The following HECW1 variants were observed in gnomAD, a reference collection of about 807,000 sequenced individuals.
HECW1 encodes E3 ubiquitin-protein ligase HECW1.
Under a neutral mutation model 182.3 loss-of-function variants are expected in HECW1, and 61 were observed. The observed-to-expected ratio is 0.33, with a 90% confidence interval of 0.27 to 0.41. HECW1 has a LOEUF of 0.41. Ranked by LOEUF, HECW1 falls within the 10% of genes least tolerant of loss-of-function variation. The pLI is 1.00. For synonymous variants in HECW1, 859 were observed against 832.6 expected (o/e 1.03, Z -0.55); for missense variants, 1,739 against 2,108.9 (o/e 0.82, Z 3.44).
At chr7:43,190,743 C>A (rs1248198910) in intron 2 of HECW1, among the ~76,000 whole-genome samples, 1 of 152,216 alleles carries the variant, frequency 6.6e-6, no homozygotes, top group Non-Finnish European at 1.5e-5. Flanking sequence ...ACCCTCTTCC[C>A]AGAATGCTCT....
chr7:43,357,921 C>T (rs1244800726), intron 5 of HECW1, among the ~76,000 whole-genome samples: 2 of 152,032 alleles, frequency 1.3e-5, no homozygotes, highest in Admixed American at 1.3e-4. Context: ...ATGGAAGAAA[C>T]AAAGAAGAGT....
At chr7:43,303,704 G>A (rs746813197) in intron 3 of HECW1, among the ~76,000 whole-genome samples, 1 of 152,130 alleles carries the variant, frequency 6.6e-6, no homozygotes, top group Non-Finnish European at 1.5e-5. Flanking sequence ...TTAGCACATG[G>A]CTTTGAGGCT....
At chr7:43,301,260 G>A (rs1806739203) in intron 3 of HECW1, among the ~76,000 whole-genome samples, 2 of 152,182 alleles carry the variant, frequency 1.3e-5, no homozygotes, top group South Asian at 2.1e-4. Flanking sequence ...GTAAAGATAC[G>A]CTTTTCCACG....
At chr7:43,156,756 A>C (rs1789924083) in intron 2 of HECW1, among the ~76,000 whole-genome samples, 2 of 150,240 alleles carry the variant, frequency 1.3e-5, no homozygotes, top group South Asian at 4.1e-4. Flanking sequence ...TGTGATCTGC[A>C]CTGGCCAGTG....
intron 26 of HECW1, among the ~76,000 whole-genome samples, chr7:43,547,549 GAA>G (rs35408234): frequency 2.9e-5 from 4 of 138,432 alleles, no homozygotes; most frequent in Non-Finnish European, 4.7e-5. Flanking sequence ...CTGGCTCAAA[GAA>G]AAAAAAAAAA....
chr7:43,401,429 G>C (rs951951477), intron 7 of HECW1, among the ~76,000 whole-genome samples: 3 of 152,134 alleles, frequency 2.0e-5, no homozygotes, highest in African/African-American at 7.2e-5. Context: ...AGAACAAACT[G>C]AACAGAAACA....
At chr7:43,173,981 G>A (rs1032347793) in intron 2 of HECW1, among the ~76,000 whole-genome samples, 9 of 152,010 alleles carry the variant, frequency 5.9e-5, no homozygotes, top group African/African-American at 2.2e-4. Context: ...GGGACTACAG[G>A]CATGCACCAT....
At position 43,202,576 on chromosome 7, in the gene HECW1, C is replaced by T. The variant is rs151284614; in HGVS notation, c.-31-41299C>T. Among the ~76,000 whole-genome samples, 1,050 of 151,340 alleles carry T rather than the reference C, an allele frequency of 6.9e-3. 8 individuals are homozygous for T. Among genetic ancestry groups the T allele is most frequent in the Middle Eastern group, 0.017 (5 of 292 alleles). ...GAAACCACTGCCTCCCGGGTTCAAG[C>T]GATTATCGTGCCTCAGCCTCCTGAG... On this transcript the variant is annotated intron_variant, in intron 2 of 29. Transcript: ENST00000395891.
intron 3 of HECW1, chr7:43,274,596 G>A (rs1016835270): frequency 2.3e-6 from 1 of 436,040 alleles, no homozygotes; most frequent in Non-Finnish European, 4.4e-6. Context: ...CAGGTTCCTC[G>A]CCCCGGGTGT....
chr7:43,535,273 A>G (rs2081135239), intron 24 of HECW1, among the ~76,000 whole-genome samples: 1 of 152,194 alleles, frequency 6.6e-6, no homozygotes, highest in Non-Finnish European at 1.5e-5. Flanking sequence ...TGTGAAACTC[A>G]ATTACCTTTT....
chr7:43,452,126 T>A (rs2077255662), intron 12 of HECW1, among the ~76,000 whole-genome samples: 1 of 152,254 alleles, frequency 6.6e-6, no homozygotes, highest in Non-Finnish European at 1.5e-5. Flanking sequence ...TGATGCCTGA[T>A]TTCTTTCTTT....
intron 5 of HECW1, among the ~76,000 whole-genome samples, chr7:43,336,144 T>C (rs28718169): frequency 0.076 from 3,907 of 51,182 alleles, 168 homozygotes; most frequent in African/African-American, 0.093. Flanking sequence ...CTCTCTCTCT[T>C]TCTCTCTCTC....
intron 17 of HECW1, among the ~76,000 whole-genome samples, chr7:43,480,108 C>T (rs1335840090): frequency 1.3e-5 from 2 of 152,180 alleles, no homozygotes; most frequent in Non-Finnish European, 2.9e-5. Flanking sequence ...GTCTGACTAA[C>T]TTTAAACTTC....
At chr7:43,159,224 T>C (rs1361771388) in intron 2 of HECW1, among the ~76,000 whole-genome samples, 2 of 151,982 alleles carry the variant, frequency 1.3e-5, no homozygotes, top group African/African-American at 4.8e-5. Flanking sequence ...AGGGTACATG[T>C]GCACAATGTG....
chr7:43,319,464 G>A (rs547088731), intron 4 of HECW1, among the ~76,000 whole-genome samples: 66 of 150,238 alleles, frequency 4.4e-4, no homozygotes, highest in African/African-American at 1.6e-3. Flanking sequence ...GGAGGTGAAA[G>A]CACACTGTCA....
chr7:43,213,214 G>A (rs1205209916), intron 2 of HECW1, among the ~76,000 whole-genome samples: 1 of 151,796 alleles, frequency 6.6e-6, no homozygotes, highest in Non-Finnish European at 1.5e-5. Flanking sequence ...CAAGTGAGGT[G>A]TTTTCAAGTT....
chr7:43,488,355 GA>G lies in HECW1; in HGVS notation c.3235-3718del, dbSNP rs2078737855. 6.0e-5 allele frequency among the ~76,000 whole-genome samples: 7 copies of G among 115,722 alleles called. No individual in the cohort carries two copies. The Admixed American group carries it at 6.2e-4, about 10-fold the overall frequency. The allele number at this position is 115,722 out of a possible 152,430, so 75.9% of individuals were successfully genotyped here. A position where few individuals can be genotyped will look rare whatever the true frequency, so the allele number is the denominator to read the frequency against. ...GGAAGGAAGGAAGGAAGGAAGGAAG[GA>G]AGGAAGGAAGGAAGGAAGGAAGGAA... On this transcript the variant is annotated intron_variant, in intron 17 of 29. Coordinates refer to ENST00000395891, the MANE Select transcript of HECW1 (RefSeq NM_015052.5).
intron 2 of HECW1, among the ~76,000 whole-genome samples, chr7:43,171,771 T>G (rs373714177): frequency 1.6e-4 from 25 of 152,322 alleles, no homozygotes; most frequent in East Asian, 7.7e-4. Context: ...TTCTCCCTGT[T>G]GTTGGCTACA....
At chr7:43,190,241 G>C (rs941585565) in intron 2 of HECW1, among the ~76,000 whole-genome samples, 2 of 152,168 alleles carry the variant, frequency 1.3e-5, no homozygotes, top group African/African-American at 2.4e-5. Context: ...AGCCTCCTGA[G>C]TAGCTAGGAT....
Sources: gnomAD v4.1 joint callset for allele counts (sites outside exome capture counted in the v4.1 genomes callset) on GRCh38, gnomAD v4.1.1 for gene constraint, MANE v1.5 for transcripts, NCBI Gene and HGNC (gene_info 2026-07-23, HGNC 2026-07-21) for gene names.